Variants in CAMK1D observed in about 807,000 individuals in gnomAD.
CAMK1D encodes calcium/calmodulin dependent protein kinase ID.
CAMK1D carries 9 observed loss-of-function variants against 47.7 expected under a neutral mutation model. That is an observed-to-expected ratio of 0.19 (90% CI 0.11 to 0.33). The LOEUF (loss-of-function observed/expected upper bound fraction) is 0.33. CAMK1D is among the 10% of genes least tolerant of loss of function. The probability of loss-of-function intolerance (pLI) is 1.00; values close to 1 mark genes in which losing one functional copy is unlikely to be tolerated. For missense variants in CAMK1D, 291 were observed against 488.7 expected, an observed-to-expected ratio of 0.60 and a Z score of 3.81; for synonymous variants, 184 against 184.9, an observed-to-expected ratio of 0.99 and a Z score of 0.04.
rs938353742 is a variant in CAMK1D, at chr10:12,831,613, C to G, written c.*2726C>G. On this transcript the variant is annotated 3_prime_UTR_variant, in exon 11 of 11. Coordinates refer to ENST00000619168, the MANE Select transcript of CAMK1D (RefSeq NM_153498.4). ...TGGTGCAGGTGCCCCCCTCGCTGTT[C>G]GGGTCAGTTCTTGGCCATGCTTGGC... 5.9e-5 allele frequency: 9 copies of G among 152,198 alleles called. No individual in the cohort carries two copies. Among genetic ancestry groups the G allele is most frequent in the African/African-American group, 2.2e-4 (9 of 41,438 alleles). 9.4% of individuals were successfully genotyped at this position (152,198 alleles called of 1,614,324 possible).
chr10:12,355,768 T>C (rs1487970186), intron 1 of CAMK1D, among the ~76,000 whole-genome samples: 1 of 152,172 alleles, frequency 6.6e-6, no homozygotes, highest in Middle Eastern at 3.2e-3. Flanking sequence ...TTTAAAAATA[T>C]CGGTTGAACA....
At position 12,708,114 on chromosome 10, in the gene CAMK1D, C is replaced by G. The variant is rs796699474; in HGVS notation, c.299+41304C>G. On this transcript the variant is annotated intron_variant, in intron 3 of 10. Coordinates refer to ENST00000619168, the MANE Select transcript of CAMK1D (RefSeq NM_153498.4). Reference sequence around the variant, plus strand: ...CAGAATACATTTCTACAACACAATACATTTTATTTAGTGCTGCACACACAG... The same window carrying G: ...CAGAATACATTTCTACAACACAATAGATTTTATTTAGTGCTGCACACACAG... Among the ~76,000 whole-genome samples, 14 of 152,304 alleles carry G rather than the reference C, an allele frequency of 9.2e-5. No homozygotes were observed. In the East Asian group the frequency reaches 2.5e-3, roughly 27 times the overall value.
chr10:12,829,126 A>G lies in CAMK1D; in HGVS notation c.*239A>G. On this transcript the variant is annotated 3_prime_UTR_variant, in exon 11 of 11. Coordinates refer to ENST00000619168, the MANE Select transcript of CAMK1D (RefSeq NM_153498.4). ...ATAGGATCTGGTGCTGTATATACGA[A>G]TCTTGCAAAGCTCTAACTGAACGGA... The G allele has an allele frequency of 9.2e-6, 4 of 435,686 alleles. No individual in the cohort carries two copies. The highest frequency in any genetic ancestry group is 1.6e-5 in the Non-Finnish European group (4 of 246,190). The allele number at this position is 435,686 out of a possible 1,614,324, so 27.0% of individuals were successfully genotyped here.
chr10:12,794,270 G>A (rs1331404379), intron 6 of CAMK1D, among the ~76,000 whole-genome samples: 2 of 152,056 alleles, frequency 1.3e-5, no homozygotes, highest in Non-Finnish European at 2.9e-5. Context: ...CTGTGTCGAT[G>A]GTTAAGAAAA....
intron 1 of CAMK1D, among the ~76,000 whole-genome samples, chr10:12,488,723 A>C (rs11257826): frequency 0.052 from 7,933 of 152,258 alleles, 695 homozygotes; most frequent in East Asian, 0.41. Flanking sequence ...GTGACAGATC[A>C]TCAGGCATTA....
In CAMK1D at chr10:12,814,311, G is replaced by T. The variant is rs1277190010; in HGVS notation, c.754+4G>T. The T allele has an allele frequency of 6.3e-7, 1 of 1,593,694 alleles. No individual in the cohort carries two copies. Among genetic ancestry groups the T allele is most frequent in the Non-Finnish European group, 8.6e-7 (1 of 1,161,540 alleles). Reference sequence around the variant, plus strand: ...TGGGATGACATCTCCGACTCTGGTAGGTCTCCCATAGGCAGCTCCCAGTGG... The same window carrying T: ...TGGGATGACATCTCCGACTCTGGTATGTCTCCCATAGGCAGCTCCCAGTGG... On this transcript the variant is annotated splice_donor_region_variant and intron_variant, in intron 7 of 10. Coordinates refer to ENST00000619168, the MANE Select transcript of CAMK1D (RefSeq NM_153498.4).
At chr10:12,452,250 T>G (rs1357169982) in intron 1 of CAMK1D, among the ~76,000 whole-genome samples, 2 of 152,166 alleles carry the variant, frequency 1.3e-5, no homozygotes, top group Non-Finnish European at 2.9e-5. Flanking sequence ...GTAATATGTA[T>G]TATTGTAAAC....
intron 1 of CAMK1D, among the ~76,000 whole-genome samples, chr10:12,417,238 C>G (rs1839883624): frequency 6.6e-6 from 1 of 151,984 alleles, no homozygotes; most frequent in South Asian, 2.1e-4. Context: ...GAGTCTTCTT[C>G]CATCTGTGTG....
intron 2 of CAMK1D, among the ~76,000 whole-genome samples, chr10:12,605,246 G>T (rs1266324765): frequency 6.6e-6 from 1 of 152,068 alleles, no homozygotes; most frequent in Non-Finnish European, 1.5e-5. Context: ...AAGGCCATGA[G>T]GCTAGGAAGG....
intron 1 of CAMK1D, among the ~76,000 whole-genome samples, chr10:12,523,051 G>A (rs1365999368): frequency 2.7e-5 from 4 of 149,718 alleles, no homozygotes; most frequent in African/African-American, 7.4e-5. Flanking sequence ...GGGCGGAGAC[G>A]CTCCTCACTT....
chr10:12,649,981 G>A (rs1186842116), intron 2 of CAMK1D, among the ~76,000 whole-genome samples: 4 of 152,214 alleles, frequency 2.6e-5, no homozygotes, highest in Non-Finnish European at 5.9e-5. Context: ...TTCAACTTCA[G>A]CATCTCTGCA....
intron 1 of CAMK1D, among the ~76,000 whole-genome samples, chr10:12,492,832 T>G (rs907708748): frequency 1.3e-5 from 2 of 152,188 alleles, no homozygotes; most frequent in African/African-American, 4.8e-5. Flanking sequence ...CCCCGAGCTG[T>G]ACACAAGAAC....
At chr10:12,458,673 T>A (rs1833332647) in intron 1 of CAMK1D, among the ~76,000 whole-genome samples, 1 of 152,170 alleles carries the variant, frequency 6.6e-6, no homozygotes, top group Non-Finnish European at 1.5e-5. Context: ...CCTCAAGCGA[T>A]CCTCCTGCCT....
At chr10:12,527,388 T>C (rs1412975925) in intron 1 of CAMK1D, among the ~76,000 whole-genome samples, 1 of 134,334 alleles carries the variant, frequency 7.4e-6, no homozygotes, top group Non-Finnish European at 1.5e-5. Flanking sequence ...GGAGTGTCGC[T>C]CTGTTGCCCA....
At position 12,835,268 on chromosome 10, in the gene CAMK1D, CG is replaced by C. The variant is rs1833487092; in HGVS notation, c.*6382del. On this transcript the variant is annotated 3_prime_UTR_variant, in exon 11 of 11. Transcript: ENST00000619168. ...ACAACATCAAAACCAGGAATGTCCC[CG>C]CATCTACTATTACCAGGCTTGCAAT... is the stretch of plus-strand genomic sequence containing the variant. 1 of 152,166 alleles carries C rather than the reference CG, an allele frequency of 6.6e-6. No homozygotes were observed. Among genetic ancestry groups the C allele is most frequent in the Admixed American group, 6.5e-5 (1 of 15,276 alleles). The allele number at this position is 152,166 out of a possible 1,614,324, so 9.4% of individuals were successfully genotyped here. A position where few individuals can be genotyped will look rare whatever the true frequency, so the allele number is the denominator to read the frequency against.
At chr10:12,367,117 AG>A (rs1232473010) in intron 1 of CAMK1D, among the ~76,000 whole-genome samples, 1 of 152,198 alleles carries the variant, frequency 6.6e-6, no homozygotes, top group Admixed American at 6.6e-5. Context: ...TATACTTGTG[AG>A]AAAAAGGGGA....
chr10:12,555,833 AT>A (rs1292628592), intron 2 of CAMK1D, among the ~76,000 whole-genome samples: 1 of 152,170 alleles, frequency 6.6e-6, no homozygotes, highest in African/African-American at 2.4e-5. Flanking sequence ...AGTCAGTTTC[AT>A]TTTTTAGCAT....
At chr10:12,681,769 T>C (rs1374963563) in intron 3 of CAMK1D, among the ~76,000 whole-genome samples, 1 of 152,256 alleles carries the variant, frequency 6.6e-6, no homozygotes, top group Non-Finnish European at 1.5e-5. Context: ...AAAAAACAGT[T>C]GGAAATCTTT....
At chr10:12,611,371 C>T (rs1298906247) in intron 2 of CAMK1D, among the ~76,000 whole-genome samples, 1 of 152,064 alleles carries the variant, frequency 6.6e-6, no homozygotes, top group Non-Finnish European at 1.5e-5. Flanking sequence ...CTGACGTTCC[C>T]GCTCCTGCAG....
Sources: gnomAD v4.1 joint callset for allele counts (sites outside exome capture counted in the v4.1 genomes callset) on GRCh38, gnomAD v4.1.1 for gene constraint, MANE v1.5 for transcripts, NCBI Gene and HGNC (gene_info 2026-07-23, HGNC 2026-07-21) for gene names.